The following TADA3 variants were observed in gnomAD, a reference collection of about 807,000 sequenced individuals.
TADA3 encodes transcriptional adapter 3.
A neutral mutation model predicts 43.2 loss-of-function variants in TADA3; 25 were observed. That is an observed-to-expected ratio of 0.58 (90% CI 0.42 to 0.81). TADA3 has a LOEUF of 0.81. Ranked by LOEUF, TADA3 falls within the 30% of genes least tolerant of loss-of-function variation. The pLI, the probability that TADA3 is intolerant of heterozygous loss-of-function variation, is 0.00. For synonymous variants in TADA3, 235 were observed against 225.5 expected (o/e 1.04, Z -0.38); for missense variants, 441 against 567.8 (o/e 0.78, Z 2.27).
intron 7 of TADA3, 98 bp from the exon 8 acceptor site, chr3:9,784,311 C>A: frequency 6.9e-7 from 1 of 1,456,714 alleles, no homozygotes; most frequent in Non-Finnish European, 9.2e-7. Context: ...GAAAACCTGC[C>A]TTTCCCTTTG....
rs1417243449 is a variant in TADA3 at position 9,780,472 on chromosome 3, A to G, written c.1184T>C (p.Phe395Ser). The G allele has an allele frequency of 6.2e-7, 1 of 1,611,148 alleles. No homozygotes were observed. The highest frequency in any genetic ancestry group is 8.5e-7 in the Non-Finnish European group (1 of 1,179,924). ...CTGCCGGGCAGCCATGATCTTGCGAAAGGCGTCCATGACCTCGTTGTCAGC... is the reference window on the plus strand; with the variant it reads ...CTGCCGGGCAGCCATGATCTTGCGAGAGGCGTCCATGACCTCGTTGTCAGC... ...RMADNEVMDA[F>S]RKIMAARQKK... The change falls in exon 9 of 9, where the codon TTT becomes TCT. Residue 395 changes from phenylalanine (F) to serine (S), a missense_variant. By Grantham distance (155) the Phe-to-Ser change is radical (BLOSUM62 -2). Coordinates refer to ENST00000301964, the MANE Select transcript of TADA3 (RefSeq NM_006354.5).
At chr3:9,792,128 C>A (rs113789352) in intron 1 of TADA3, 88 bp downstream of exon 1, 19 of 152,446 alleles carry the variant, frequency 1.2e-4, no homozygotes, top group African/African-American at 4.3e-4. Flanking sequence ...TCAGTTTTTC[C>A]ATCTGTAAAA....
rs757944061 is a variant in TADA3 at position 9,783,996 on chromosome 3, C to T, written c.1106+32G>A. On this transcript the variant is annotated intron_variant, in intron 8 of 8. Coordinates refer to ENST00000301964, the MANE Select transcript of TADA3 (RefSeq NM_006354.5). ...GCCGTGGCCACAGCCTCCAAGGCCA[C>T]CCCCGGGACTGTGCATCCTGCTAAC... The T allele has an allele frequency of 4.8e-5, 77 of 1,598,570 alleles. 1 individual carries two copies. The highest frequency in any genetic ancestry group is 5.4e-5 in the Non-Finnish European group (63 of 1,169,050).
At chr3:9,787,142 C>T in intron 5 of TADA3, 33 bp from the exon 6 acceptor site, 1 of 1,614,148 alleles carries the variant, frequency 6.2e-7, no homozygotes, top group African/African-American at 1.3e-5. Flanking sequence ...GGGAGGTGGG[C>T]TGAAGTTCTG....
chr3:9,781,837 T>C (rs1425073895), intron 8 of TADA3, among the ~76,000 whole-genome samples: 2 of 90,416 alleles, frequency 2.2e-5, no homozygotes, highest in South Asian at 4.6e-4. Context: ...TTACTTCTTT[T>C]TTTTTTTTTT....
chr3:9,785,276 C>T (rs767119158), intron 7 of TADA3, 40 bp downstream of exon 7: 18 of 1,511,488 alleles, frequency 1.2e-5, no homozygotes, highest in East Asian at 4.6e-5. Context: ...CCAACAGAAG[C>T]GGGGGCCAGA....
At chr3:9,786,154 T>C (rs886239089) in intron 6 of TADA3, among the ~76,000 whole-genome samples, 2 of 152,156 alleles carry the variant, frequency 1.3e-5, no homozygotes, top group African/African-American at 4.8e-5. Context: ...TTAGCCAGGA[T>C]GGTCTCGATC....
intron 6 of TADA3, 121 bp from the exon 7 acceptor site, chr3:9,785,546 A>G: frequency 1.5e-6 from 1 of 683,036 alleles, no homozygotes; most frequent in Non-Finnish European, 2.5e-6. Context: ...CATCCCACCT[A>G]CCGTGGGAAG....
In TADA3 at chr3:9,790,772, T is replaced by C. The variant is rs140171982; in HGVS notation, c.207+488A>G. ...CCTATTATTCACCCCACTTTGCAGA[T>C]AGGGAAACTGACACTCAGAGATATG... On this transcript the variant is annotated intron_variant, in intron 2 of 8. Coordinates refer to ENST00000301964, the MANE Select transcript of TADA3 (RefSeq NM_006354.5). 3.7e-3 allele frequency among the ~76,000 whole-genome samples: 569 copies of C among 152,316 alleles called. 1 individual carries two copies. Among genetic ancestry groups the C allele is most frequent in the Non-Finnish European group, 6.6e-3 (451 of 68,012 alleles).
Position 9,784,193 on chromosome 3 carries a change from A to T in TADA3, c.941T>A (p.Leu314Gln). 6.2e-7 allele frequency: 1 copy of T among 1,613,778 alleles called. No individual in the cohort carries two copies. The highest frequency in any genetic ancestry group is 8.5e-7 in the Non-Finnish European group (1 of 1,179,744). ...KPFSVPHTKS[L>Q]ESRIKEELIA... Reference sequence around the variant, plus strand: ...TAGCTCCTCCTTGATGCGGCTCTCCAGGGACTTAGTATGCGGCACACTGCA... The same window carrying T: ...TAGCTCCTCCTTGATGCGGCTCTCCTGGGACTTAGTATGCGGCACACTGCA... Residue 314 changes from leucine (L) to glutamine (Q), a missense_variant, in exon 8 of 9, where the codon CTG becomes CAG. Leu to Gln is a moderately radical substitution (Grantham distance 113). Transcript: ENST00000301964.
At chr3:9,792,588 T>G (rs970893627), upstream of TADA3, 1 of 1,227,138 alleles carries the variant, frequency 8.1e-7, no homozygotes, top group East Asian at 3.2e-5. Flanking sequence ...CCGCTAGAGG[T>G]GGGGTGCGGG....
chr3:9,789,772 A>C lies in TADA3; in HGVS notation c.399T>G (p.Tyr133Ter). The C allele has an allele frequency of 6.2e-7, 1 of 1,614,206 alleles. No individual in the cohort carries two copies. The highest frequency in any genetic ancestry group is 1.1e-5 in the South Asian group (1 of 91,086). ...SKNLQPKIQE[Y>*]EFTDDPIDVP... is the part of the protein sequence containing the mutation. ...CGTCGATAGGGTCATCAGTGAATTCATATTCCTGGATCTTGGGCTGAAGGT... is the reference window on the plus strand; with the variant it reads ...CGTCGATAGGGTCATCAGTGAATTCCTATTCCTGGATCTTGGGCTGAAGGT... The change falls in exon 3 of 9, where the codon TAT becomes TAG. Residue 133 changes from tyrosine (Y) to a stop codon, truncating the protein, a stop_gained. Transcript: ENST00000301964. LOFTEE classifies it high-confidence loss of function.
Position 9,779,982 on chromosome 3 carries a change from A to T in TADA3, c.*375T>A, listed in dbSNP as rs188801534. 223 of 168,368 alleles carry T rather than the reference A, an allele frequency of 1.3e-3. 3 individuals are homozygous for T. The highest frequency in any genetic ancestry group is 2.7e-3 in the Middle Eastern group (1 of 368). The allele number at this position is 168,368 out of a possible 1,614,324, so 10.4% of individuals were successfully genotyped here. A position where few individuals can be genotyped will look rare whatever the true frequency, so the allele number is the denominator to read the frequency against. ...GACTGGATGCTTTTTTTGAAAAACC[A>T]CAGCAGTCACTTTATTCTTAAGTTT... On this transcript the variant is annotated 3_prime_UTR_variant, in exon 9 of 9. Transcript: ENST00000301964.
chr3:9,792,647 A>G (rs2078767442), upstream of TADA3: 1 of 1,231,238 alleles, frequency 8.1e-7, no homozygotes, highest in Non-Finnish European at 1.0e-6. Context: ...CGGGAGGCGG[A>G]GCTTGGCGGC....
At chr3:9,790,694 TGAG>T (rs2078708435) in intron 2 of TADA3, among the ~76,000 whole-genome samples, 1 of 152,244 alleles carries the variant, frequency 6.6e-6, no homozygotes, top group African/African-American at 2.4e-5. Flanking sequence ...GGCATTGGGC[TGAG>T]TTTTTGCAAA....
upstream of TADA3, chr3:9,792,702 G>A: frequency 8.1e-7 from 1 of 1,233,826 alleles, no homozygotes; most frequent in African/African-American, 1.5e-5. Context: ...GCCAGGAGCT[G>A]CGGGTAGGAG....
At chr3:9,782,171 C>T (rs376606442) in intron 8 of TADA3, among the ~76,000 whole-genome samples, 10 of 152,272 alleles carry the variant, frequency 6.6e-5, no homozygotes, top group African/African-American at 2.2e-4. Flanking sequence ...CACATGCCTG[C>T]TTTTCTCTCT....
chr3:9,781,640 GATTTATAC>G, intron 8 of TADA3: 1 of 441,218 alleles, frequency 2.3e-6, no homozygotes, highest in Non-Finnish European at 4.7e-6. Context: ...AACAGGGTCT[GATTTATAC>G]ATTTCATCGA....
rs375012142 is a variant in TADA3, at chr3:9,780,586, C to G, written c.1107-37G>C. On this transcript the variant is annotated intron_variant, in intron 8 of 8. Transcript: ENST00000301964. ...AGCCAGCCAGGTGCCAGGGTCAGCCCACCTCCAGAGAACAACCCCTCCCTC... is the reference window on the plus strand; with the variant it reads ...AGCCAGCCAGGTGCCAGGGTCAGCCGACCTCCAGAGAACAACCCCTCCCTC... The G allele has an allele frequency of 3.1e-4, 494 of 1,574,820 alleles. 5 individuals are homozygous for G. Among genetic ancestry groups the G allele is most frequent in the South Asian group, 1.9e-3 (166 of 88,092 alleles).
Sources: allele counts gnomAD v4.1 joint callset (sites outside exome capture counted in the v4.1 genomes callset), GRCh38; gene constraint gnomAD v4.1.1; transcripts MANE v1.5; gene names NCBI Gene and HGNC (gene_info 2026-07-23, HGNC 2026-07-21).